SATB1: variants seen among roughly 807,000 people sequenced by gnomAD.
The protein encoded by SATB1 is DNA-binding protein SATB1.
In SATB1, 11 loss-of-function variants were observed where a neutral mutation model predicts 86.9. The ratio of observed to expected loss-of-function variants is 0.13; its 90% CI spans 0.08 to 0.21. SATB1 has a LOEUF of 0.21. Ranked by LOEUF, SATB1 falls within the 10% of genes least tolerant of loss-of-function variation. The pLI is 1.00. For missense variants in SATB1, 551 were observed against 937.6 expected (o/e 0.59, Z 5.39); for synonymous variants, 357 against 357.2 (o/e 1.00, Z 0.01).
At chr3:18,367,195 T>C (rs1695229946) in intron 9 of SATB1, among the ~76,000 whole-genome samples, 4 of 152,196 alleles carry the variant, frequency 2.6e-5, no homozygotes, top group South Asian at 2.1e-4. Flanking sequence ...CATGTACAAG[T>C]TGTTAGGTAA....
At position 18,349,179 on chromosome 3, in the gene SATB1, C is replaced by T. The variant is rs1209174253; in HGVS notation, c.2283G>A (p.Leu761=). The T allele has an allele frequency of 6.2e-7, 1 of 1,613,098 alleles. No individual in the cohort carries two copies. The highest frequency in any genetic ancestry group is 1.7e-5 in the Admixed American group (1 of 59,882). The change falls in exon 11 of 11, where the codon TTG becomes TTA. Residue 761 remains leucine, a synonymous_variant. Coordinates refer to ENST00000338745, the MANE Select transcript of SATB1 (RefSeq NM_002971.6). This position sits in a 1 kb window ranked among gnomAD's most constrained non-coding sequence, Gnocchi z 5.5. ...AACAAATACTTTTATCTCAGTCTTTCAAATCAGTATTAATGTCTGTGTTTC... is the reference window on the plus strand; with the variant it reads ...AACAAATACTTTTATCTCAGTCTTTTAAATCAGTATTAATGTCTGTGTTTC... The part of the protein sequence containing the change: ...VEGNTDINTD[L]KD
chr3:18,440,797 G>A (rs1339700042), upstream of SATB1, among the ~76,000 whole-genome samples: 2 of 152,152 alleles, frequency 1.3e-5, no homozygotes, highest in Admixed American at 6.5e-5. Flanking sequence ...GAGTTTTGGA[G>A]TTTGAAAACC....
chr3:18,419,659 A>T (rs528109654), intron 2 of SATB1, among the ~76,000 whole-genome samples: 126 of 152,294 alleles, frequency 8.3e-4, no homozygotes, highest in African/African-American at 2.9e-3. Context: ...AAGCCGTAAT[A>T]AATTATATTT....
chr3:18,361,051 G>C (rs775021090), intron 9 of SATB1, among the ~76,000 whole-genome samples: 1 of 151,942 alleles, frequency 6.6e-6, no homozygotes, highest in Non-Finnish European at 1.5e-5. Context: ...ATTAGCAGGG[G>C]GCTGGGAAAA....
intron 6 of SATB1, among the ~76,000 whole-genome samples, chr3:18,396,463 TTAAC>T (rs1202617419): frequency 6.6e-6 from 1 of 152,186 alleles, no homozygotes; most frequent in Non-Finnish European, 1.5e-5. Flanking sequence ...TTTGTGAACA[TTAAC>T]AAACTCAACA....
At chr3:18,415,003 C>A in intron 5 of SATB1, 108 bp downstream of exon 5, 3 of 1,303,580 alleles carry the variant, frequency 2.3e-6, no homozygotes, top group South Asian at 1.4e-5. Context: ...GCATTTTTGG[C>A]AGATTCTTGC....
rs114917198 is a variant in SATB1 at position 18,377,549 on chromosome 3, T to C, written c.1575+621A>G. Among the ~76,000 whole-genome samples, 1,456 of 152,318 alleles carry C rather than the reference T, an allele frequency of 9.6e-3. 21 individuals are homozygous for C. The highest frequency in any genetic ancestry group is 0.033 in the African/African-American group (1,370 of 41,570). Reference sequence around the variant, plus strand: ...TGGTAGAAGTTTACAACTTTTCCAATTCAAGGCTATTCAGCTGTAATTCAG... The same window carrying C: ...TGGTAGAAGTTTACAACTTTTCCAACTCAAGGCTATTCAGCTGTAATTCAG... On this transcript the variant is annotated intron_variant, in intron 9 of 10. Coordinates refer to ENST00000338745, the MANE Select transcript of SATB1 (RefSeq NM_002971.6).
rs535881252 is a variant in SATB1, at chr3:18,444,469, G to C, written c.-25+1049C>G. The C allele has an allele frequency of 1.4e-5, 7 of 494,438 alleles. No individual in the cohort carries two copies. The highest frequency in any genetic ancestry group is 4.2e-5 in the African/African-American group (2 of 47,750). The allele number at this position is 494,438 out of a possible 1,614,324, so 30.6% of individuals were successfully genotyped here. A position where few individuals can be genotyped will look rare whatever the true frequency, so the allele number is the denominator to read the frequency against. ...GACCGTTGAAGCCCTGCGCCCACGA[G>C]AGGGGAGCCCAGCCGCCCCAATAGG... On this transcript the variant is annotated intron_variant, in intron 1 of 3. Coordinates refer to the SATB1 transcript ENST00000415069. The surrounding 1 kb of genome is among the most constrained non-coding windows in gnomAD (Gnocchi z 5.1).
chr3:18,366,001 T>G (rs1422063049), intron 9 of SATB1, among the ~76,000 whole-genome samples: 5 of 152,186 alleles, frequency 3.3e-5, no homozygotes, highest in Non-Finnish European at 7.3e-5. Context: ...TATATTTTAT[T>G]TACAACCTTC....
chr3:18,434,265 T>C (rs940840990), intron 2 of SATB1, among the ~76,000 whole-genome samples: 2 of 152,054 alleles, frequency 1.3e-5, no homozygotes, highest in African/African-American at 2.4e-5. Context: ...TGCAACCAAG[T>C]GTAAATGTAT....
chr3:18,442,929 T>C (rs1182934344), upstream of SATB1, among the ~76,000 whole-genome samples: 1 of 152,190 alleles, frequency 6.6e-6, no homozygotes, highest in Non-Finnish European at 1.5e-5. Context: ...TAATATGCAA[T>C]AGAAATAGAG....
intron 8 of SATB1, among the ~76,000 whole-genome samples, chr3:18,378,582 G>GT (rs1695880772): frequency 1.3e-5 from 2 of 152,240 alleles, no homozygotes; most frequent in South Asian, 4.1e-4. Context: ...CATAAAGTAA[G>GT]TTTTCTGGAA....
At position 18,444,743 on chromosome 3, in the gene SATB1, G is replaced by A. The variant is rs1699336087; in HGVS notation, c.-25+775C>T. 5.7e-6 allele frequency: 4 copies of A among 696,032 alleles called. No homozygotes were observed. The highest frequency in any genetic ancestry group is 7.2e-4 in the Middle Eastern group (1 of 1,382). The allele number at this position is 696,032 out of a possible 1,614,324, so 43.1% of individuals were successfully genotyped here. A position where few individuals can be genotyped will look rare whatever the true frequency, so the allele number is the denominator to read the frequency against. ...TCTCCTGCCGCCGCCGCCGCCGCCG[G>A]AGCTGCGGCTGCCGCGGAAGTTAAT... is the stretch of plus-strand genomic sequence containing the variant. On this transcript the variant is annotated intron_variant, in intron 1 of 3. Coordinates refer to the SATB1 transcript ENST00000415069. The surrounding 1 kb of genome is among the most constrained non-coding windows in gnomAD (Gnocchi z 5.1).
upstream of SATB1, chr3:18,425,389 G>A (rs937786273): frequency 6.5e-6 from 1 of 153,270 alleles, no homozygotes; most frequent in Non-Finnish European, 1.5e-5. Context: ...AGGAGAGGAG[G>A]AAGGGGGTGC....
chr3:18,415,384 T>G, intron 4 of SATB1, 150 bp from the exon 5 acceptor site: 1 of 855,916 alleles, frequency 1.2e-6, no homozygotes, highest in East Asian at 2.6e-5. Flanking sequence ...ATTAGTTAAT[T>G]ACTTTATACA....
At chr3:18,416,810 C>T (rs1698135631) in intron 3 of SATB1, 92 bp downstream of exon 3, 1 of 1,273,910 alleles carries the variant, frequency 7.8e-7, no homozygotes, top group African/African-American at 1.5e-5. Context: ...ACACAGGCTA[C>T]AGTTCTTTGA....
At chr3:18,353,297 T>C (rs920564242) in intron 9 of SATB1, among the ~76,000 whole-genome samples, 1 of 152,292 alleles carries the variant, frequency 6.6e-6, no homozygotes, top group African/African-American at 2.4e-5. Context: ...ATTTACTCTC[T>C]AGAGACAGTC....
rs746894965 is a variant in SATB1, at chr3:18,349,874, G to A, written c.1780-192C>T. On this transcript the variant is annotated intron_variant, in intron 10 of 10. Coordinates refer to ENST00000338745, the MANE Select transcript of SATB1 (RefSeq NM_002971.6). This position sits in a 1 kb window ranked among gnomAD's most constrained non-coding sequence, Gnocchi z 5.5. ...AAAAAAATCAAAATGATATGACTAG[G>A]AAGGGATGAATTAAGACAGCTTTGG... The A allele has an allele frequency of 2.7e-5, 27 of 997,726 alleles. No individual in the cohort carries two copies. The highest frequency in any genetic ancestry group is 2.6e-4 in the South Asian group (14 of 53,690). 61.8% of individuals were successfully genotyped at this position (997,726 alleles called of 1,614,324 possible). A position where few individuals can be genotyped will look rare whatever the true frequency, so the allele number is the denominator to read the frequency against.
intron 2 of SATB1, among the ~76,000 whole-genome samples, chr3:18,430,866 G>T (rs1005682885): frequency 1.2e-4 from 18 of 152,252 alleles, no homozygotes; most frequent in African/African-American, 4.3e-4. Context: ...ATAGACAAAG[G>T]TCATTATAGT....
Sources: gnomAD v4.1 joint callset for allele counts (sites outside exome capture counted in the v4.1 genomes callset) on GRCh38, gnomAD v4.1.1 for gene constraint, Gnocchi (gnomAD v3.1) non-coding constraint, MANE v1.5 for transcripts, NCBI Gene and HGNC (gene_info 2026-07-23, HGNC 2026-07-21) for gene names.